Variants in MPDZ observed in about 807,000 individuals in gnomAD.
MPDZ encodes the protein multiple PDZ domain crumbs cell polarity complex component.
A neutral mutation model predicts 239.1 loss-of-function variants in MPDZ; 234 were observed. That is an observed-to-expected ratio of 0.98 (90% confidence interval 0.88 to 1.09). The LOEUF is 1.09. Among genes scored for constraint, MPDZ ranks in the 50% least tolerant of loss-of-function variants. The pLI is 0.00. For missense variants in MPDZ, 3,175 were observed against 2,510.0 expected (o/e 1.26, Z -5.66); for synonymous variants, 1,048 against 881.3 (o/e 1.19, Z -3.35).
intron 3 of MPDZ, among the ~76,000 whole-genome samples, chr9:13,236,229 A>T (rs59777538): frequency 3.8e-5 from 1 of 26,546 alleles, no homozygotes; most frequent in Non-Finnish European, 7.5e-5. Flanking sequence ...GTGTGTGTAT[A>T]TGTATATGTG....
intron 19 of MPDZ, among the ~76,000 whole-genome samples, chr9:13,179,051 A>T (rs1952912070): frequency 6.6e-6 from 1 of 152,242 alleles, no homozygotes; most frequent in South Asian, 2.1e-4. Context: ...ACAATTTATT[A>T]CACTCCTTTC....
chr9:13,107,346 G>C (rs920613656), intron 46 of MPDZ, among the ~76,000 whole-genome samples: 3 of 152,206 alleles, frequency 2.0e-5, no homozygotes, highest in African/African-American at 7.2e-5. Flanking sequence ...GCAGTCGATA[G>C]ATCAGTTGGA....
At chr9:13,147,253 C>T (rs1948556626) in intron 26 of MPDZ, among the ~76,000 whole-genome samples, 1 of 151,982 alleles carries the variant, frequency 6.6e-6, no homozygotes, top group African/African-American at 2.4e-5. Context: ...CTTTTAATAA[C>T]TTGTGTATTT....
Position 13,186,255 on chromosome 9 carries a change from G to C in MPDZ, c.2481+15C>G, listed in dbSNP as rs767276862. 1.3e-6 allele frequency: 2 copies of C among 1,502,602 alleles called. No individual in the cohort carries two copies. Among genetic ancestry groups the C allele is most frequent in the South Asian group, 1.3e-5 (1 of 78,488 alleles). 93.1% of individuals were successfully genotyped at this position (1,502,602 alleles called of 1,614,324 possible). ...AGGTTTCTGAAAGAAAGCTTGATAA[G>C]TCATAGCCACTAACCAGAGCCAAGT... On this transcript the variant is annotated intron_variant, in intron 18 of 46. Transcript: ENST00000319217.
chr9:13,215,911 G>A (rs1958268920), intron 10 of MPDZ, among the ~76,000 whole-genome samples: 1 of 148,734 alleles, frequency 6.7e-6, no homozygotes, highest in Non-Finnish European at 1.5e-5. Context: ...AGGACTACAG[G>A]CAGACAACAT....
At chr9:13,111,758 C>G (rs1942510804) in intron 43 of MPDZ, among the ~76,000 whole-genome samples, 2 of 152,150 alleles carry the variant, frequency 1.3e-5, no homozygotes, top group South Asian at 4.1e-4. Flanking sequence ...TCTCTTTTAG[C>G]TTGTTCCACA....
chr9:13,256,117 C>G (rs1275078966), intron 1 of MPDZ, among the ~76,000 whole-genome samples: 1 of 152,196 alleles, frequency 6.6e-6, no homozygotes, highest in African/African-American at 2.4e-5. Flanking sequence ...ATACAGATGG[C>G]TTCTTTCATT....
intron 3 of MPDZ, among the ~76,000 whole-genome samples, chr9:13,229,597 C>A (rs1242740181): frequency 6.6e-6 from 1 of 150,376 alleles, no homozygotes; most frequent in African/African-American, 2.4e-5. Context: ...CACACACACA[C>A]ACACACACCC....
At chr9:13,238,556 ACCCACATGTGT>A (rs995234237) in intron 3 of MPDZ, among the ~76,000 whole-genome samples, 1 of 151,352 alleles carries the variant, frequency 6.6e-6, no homozygotes, top group Non-Finnish European at 1.5e-5. Context: ...TCCTCAACCC[ACCCACATGTGT>A]CCGTGTCCTT....
rs563161173 is a variant in MPDZ at position 13,214,406 on chromosome 9, C to G, written c.1290+2368G>C. Among the ~76,000 whole-genome samples the G allele has an allele frequency of 3.3e-5, 5 of 151,790 alleles. No homozygotes were observed. The South Asian group carries it at 8.3e-4, about 25-fold the overall frequency. On this transcript the variant is annotated intron_variant, in intron 10 of 46. Coordinates refer to ENST00000319217, the MANE Select transcript of MPDZ (RefSeq NM_001378778.1). ...AGACAGAAAGTAGATTGGTGGTTGC[C>G]CAGGACTGGGAGAATGGGGGAGAAG...
Position 13,221,391 on chromosome 9 carries a change from G to T in MPDZ, c.857C>A (p.Pro286His). 1 of 1,609,432 alleles carries T rather than the reference G, an allele frequency of 6.2e-7. No individual in the cohort carries two copies. The highest frequency in any genetic ancestry group is 1.3e-5 in the African/African-American group (1 of 74,762). ...GCCTACCTGATCAGCTACTCCTCCA[G>T]GCAGAATGGTTTTTACTATCACACC... ...ATGVIVKTILPGGVADQHGRL... is the reference protein window; with the variant it reads ...ATGVIVKTILHGGVADQHGRL... The change falls in exon 7 of 47, where the codon CCT becomes CAT. Residue 286 changes from proline (P) to histidine (H), a missense_variant. Pro to His is a moderately conservative substitution (Grantham distance 77, BLOSUM62 -2). Coordinates refer to ENST00000319217, the MANE Select transcript of MPDZ (RefSeq NM_001378778.1).
Position 13,183,435 on chromosome 9 carries a change from G to T in MPDZ, c.2632C>A (p.Pro878Thr), listed in dbSNP as rs1457745051. The change falls in exon 19 of 47, where the codon CCA (proline) becomes ACA (threonine). Residue 878 changes from proline (P) to threonine (T), a missense_variant. Coordinates refer to ENST00000319217, the MANE Select transcript of MPDZ (RefSeq NM_001378778.1). ...GDGLNYGSSL[P>T]SSPPKDVIEN... ...CTTTGTACCTTAGGAGGAGATGATG[G>T]AAGGGAAGAACCATAGTTCAGGCCA... 1.2e-6 allele frequency: 2 copies of T among 1,606,180 alleles called. No homozygotes were observed. The highest frequency in any genetic ancestry group is 8.5e-7 in the Non-Finnish European group (1 of 1,177,272).
At chr9:13,208,149 G>A (rs1171392646) in intron 10 of MPDZ, among the ~76,000 whole-genome samples, 2 of 152,082 alleles carry the variant, frequency 1.3e-5, no homozygotes, top group East Asian at 1.9e-4. Context: ...AAAATTATAA[G>A]ATCTAGATCA....
chr9:13,139,811 T>C (rs370318800), intron 28 of MPDZ, 176 bp downstream of exon 28: 1 of 722,250 alleles, frequency 1.4e-6, no homozygotes, highest in East Asian at 2.7e-5. Flanking sequence ...CATGATTTCA[T>C]GCCTCAGGAA....
chr9:13,106,922 G>A lies in MPDZ; in HGVS notation c.*43C>T. The A allele has an allele frequency of 6.2e-7, 1 of 1,605,774 alleles. No individual in the cohort carries two copies. Among genetic ancestry groups the A allele is most frequent in the Non-Finnish European group, 8.5e-7 (1 of 1,173,236 alleles). ...GACCAGTGCATTCTCTTTACAGTAG[G>A]AGGTGAGCTAGGGGTTGGGTTGGTT... On this transcript the variant is annotated 3_prime_UTR_variant, in exon 47 of 47. Transcript: ENST00000319217.
At chr9:13,162,548 G>T (rs1950605173) in intron 23 of MPDZ, 143 bp downstream of exon 23, 4 of 402,012 alleles carry the variant, frequency 9.9e-6, no homozygotes, top group Non-Finnish European at 1.8e-5. Flanking sequence ...ATAATTGAGG[G>T]AAAGGGAAGA....
chr9:13,175,936 GATTTCAACATCACGC>G, intron 20 of MPDZ, 61 bp from the exon 21 acceptor site: 1 of 1,525,936 alleles, frequency 6.6e-7, no homozygotes, highest in Non-Finnish European at 8.8e-7. Flanking sequence ...TTTGGAGCGT[GATTTCAACATCACGC>G]ATGTTCTCTA....
intron 19 of MPDZ, among the ~76,000 whole-genome samples, chr9:13,181,625 C>T (rs1369129322): frequency 6.6e-6 from 1 of 152,032 alleles, no homozygotes; most frequent in African/African-American, 2.4e-5. Flanking sequence ...TTTGCTTCAA[C>T]AAAAGAGTAA....
chr9:13,122,584 G>A (rs1042902786), intron 36 of MPDZ, among the ~76,000 whole-genome samples: 3 of 150,592 alleles, frequency 2.0e-5, no homozygotes, highest in Non-Finnish European at 2.9e-5. Flanking sequence ...GCAGTGGTGC[G>A]ATCTCAGCTC....
Sources: gnomAD v4.1 joint callset for allele counts (sites outside exome capture counted in the v4.1 genomes callset) on GRCh38, gnomAD v4.1.1 for gene constraint, MANE v1.5 for transcripts, NCBI Gene and HGNC (gene_info 2026-07-23, HGNC 2026-07-21) for gene names.